Variants in SPTB observed in about 807,000 individuals in gnomAD.
SPTB encodes the protein spectrin beta, erythrocytic, also known as spectrin beta chain, erythrocytic.
A neutral mutation model predicts 256.2 loss-of-function variants in SPTB; 45 were observed. That is an observed-to-expected ratio of 0.18 (90% CI 0.14 to 0.23). The LOEUF (loss-of-function observed/expected upper bound fraction) is 0.23. SPTB is among the 10% of genes least tolerant of loss of function. The pLI, the probability that SPTB is intolerant of heterozygous loss-of-function variation, is 1.00. For synonymous variants in SPTB, 1,231 were observed against 1,243.1 expected, an observed-to-expected ratio of 0.99 and a Z score of 0.21; for missense variants, 2,715 against 3,040.4, an observed-to-expected ratio of 0.89 and a Z score of 2.52.
At chr14:64,801,565 C>CA (rs1165507434) in intron 6 of SPTB, among the ~76,000 whole-genome samples, 165 bp from the exon 7 acceptor site, 10 of 151,948 alleles carry the variant, frequency 6.6e-5, no homozygotes, top group Non-Finnish European at 1.3e-4. Context: ...TGAGCCTTGG[C>CA]ATATGAGGGA....
intron 1 of SPTB, among the ~76,000 whole-genome samples, chr14:64,849,690 A>T (rs976937276): frequency 2.6e-5 from 4 of 152,200 alleles, no homozygotes; most frequent in African/African-American, 9.7e-5. Flanking sequence ...CCTAGTATGA[A>T]GTCACCTTCA....
intron 33 of SPTB, 95 bp from the exon 34 acceptor site, chr14:64,750,249 G>A: frequency 7.8e-7 from 1 of 1,279,570 alleles, no homozygotes; most frequent in Non-Finnish European, 1.1e-6. Flanking sequence ...ATTACACCAT[G>A]TTTGTTCTGA....
chr14:64,818,378 G>A (rs1256656414), intron 2 of SPTB, among the ~76,000 whole-genome samples: 1 of 152,238 alleles, frequency 6.6e-6, no homozygotes, highest in African/African-American at 2.4e-5. Context: ...ATGCCAAGCT[G>A]TGTGCATGGG....
At position 64,814,810 on chromosome 14, in the gene SPTB, T is replaced by C. The variant is rs112008447; in HGVS notation, c.148+8137A>G. Among the ~76,000 whole-genome samples the C allele has an allele frequency of 1.6e-4, 25 of 152,344 alleles. 1 individual carries two copies. Among genetic ancestry groups the C allele is most frequent in the African/African-American group, 6.0e-4 (25 of 41,582 alleles). On this transcript the variant is annotated intron_variant, in intron 2 of 35. Coordinates refer to ENST00000644917, the MANE Select transcript of SPTB (RefSeq NM_001355436.2). ...CATGAGCCACTGCGTCCAGCTCCTA[T>C]TGCATTTTTAGATAAAATAGGATCT...
In SPTB at chr14:64,786,539, C is replaced by A. The variant is rs1319873657; in HGVS notation, c.3426G>T (p.Arg1142=). ...TCCAGCCAGTATCCAGGCCCTCCAG[C>A]CGCTGGCCCAGAAGCAGATACTCTG... ...TDPEYLLLGQ[R]LEGLDTGWNA... Residue 1142 remains arginine (R), a synonymous_variant, in exon 16 of 36, where the codon CGG becomes CGT. Coordinates refer to ENST00000644917, the MANE Select transcript of SPTB (RefSeq NM_001355436.2). This position sits in a 1 kb window ranked among gnomAD's most constrained non-coding sequence, Gnocchi z 5.6. 3 of 1,614,200 alleles carry A rather than the reference C, an allele frequency of 1.9e-6. No individual in the cohort carries two copies. Among genetic ancestry groups the A allele is most frequent in the Non-Finnish European group, 2.5e-6 (3 of 1,180,026 alleles).
chr14:64,830,670 G>T (rs948197657), intron 1 of SPTB, among the ~76,000 whole-genome samples: 12 of 151,852 alleles, frequency 7.9e-5, no homozygotes, highest in Admixed American at 2.0e-4. Context: ...TTCCCACTTG[G>T]TCCATCTCTG....
intron 32 of SPTB, among the ~76,000 whole-genome samples, chr14:64,762,005 G>A (rs557236231): frequency 1.3e-5 from 2 of 152,220 alleles, no homozygotes; most frequent in South Asian, 4.1e-4. Context: ...CAGAACAGAG[G>A]GGCCAGGAAT....
intron 23 of SPTB, 145 bp downstream of exon 23, chr14:64,774,980 G>A: frequency 2.5e-6 from 3 of 1,177,016 alleles, no homozygotes; most frequent in South Asian, 1.3e-5. Flanking sequence ...CACCAAGGGA[G>A]GGCAGGGAGT....
At chr14:64,756,342 G>C (rs1566735017) in intron 32 of SPTB, 1 of 152,324 alleles carries the variant, frequency 6.6e-6, no homozygotes. Context: ...GGCCGAGGCA[G>C]GTGGATCACG....
intron 33 of SPTB, chr14:64,752,080 T>C (rs1200979620): frequency 1.1e-6 from 1 of 926,528 alleles, no homozygotes; most frequent in Non-Finnish European, 1.4e-6. Context: ...GGTGACAGAG[T>C]GAGACTCTGT....
chr14:64,809,210 C>T (rs1309709164), intron 2 of SPTB, among the ~76,000 whole-genome samples: 3 of 133,664 alleles, frequency 2.2e-5, no homozygotes, highest in African/African-American at 8.5e-5. Context: ...TGCAGTGAGC[C>T]GAGATCCCAC....
chr14:64,784,899 C>T (rs2082538331), intron 18 of SPTB, among the ~76,000 whole-genome samples: 1 of 152,218 alleles, frequency 6.6e-6, no homozygotes, highest in Non-Finnish European at 1.5e-5. Flanking sequence ...GTAGAAAGTA[C>T]TGTCAATGGA....
rs780370119 is a variant in SPTB at position 64,804,999 on chromosome 14, C to T, written c.240G>A (p.Lys80=). The T allele has an allele frequency of 6.2e-7, 1 of 1,614,180 alleles. No homozygotes were observed. The highest frequency in any genetic ancestry group is 1.1e-5 in the South Asian group (1 of 91,086). Residue 80 remains lysine (K), a synonymous_variant, in exon 3 of 36, where the codon AAG becomes AAA. Coordinates refer to ENST00000644917, the MANE Select transcript of SPTB (RefSeq NM_001355436.2). ...TGAGCATGCGCCCATCCCGCAGGTC[C>T]TTGTAGAGATCGGTGATGCGGCAGG... is the stretch of plus-strand genomic sequence containing the variant. ...RVSCRITDLY[K]DLRDGRMLIK...
chr14:64,784,705 C>G (rs891106567), intron 18 of SPTB, among the ~76,000 whole-genome samples: 3 of 152,190 alleles, frequency 2.0e-5, no homozygotes, highest in African/African-American at 7.2e-5. Flanking sequence ...AGGAACCCAA[C>G]GAGTGTTTAC....
At chr14:64,766,154 G>A (rs1312905431) in intron 32 of SPTB, among the ~76,000 whole-genome samples, 2 of 149,012 alleles carry the variant, frequency 1.3e-5, no homozygotes, top group Non-Finnish European at 3.0e-5. Flanking sequence ...TGGGTGTGGT[G>A]TGTTTGTGTG....
chr14:64,843,321 G>C (rs1185539959), intron 1 of SPTB, among the ~76,000 whole-genome samples: 1 of 152,174 alleles, frequency 6.6e-6, no homozygotes, highest in Non-Finnish European at 1.5e-5. Flanking sequence ...GTCTACAGAA[G>C]AGATGCTTGG....
Position 64,759,926 on chromosome 14 carries a change from T to A in SPTB, c.6346-6133A>T, listed in dbSNP as rs147052769. 1.2e-4 allele frequency among the ~76,000 whole-genome samples: 19 copies of A among 152,240 alleles called. No homozygotes were observed. Among genetic ancestry groups the A allele is most frequent in the African/African-American group, 4.6e-4 (19 of 41,534 alleles). On this transcript the variant is annotated intron_variant, in intron 32 of 35. Coordinates refer to ENST00000644917, the MANE Select transcript of SPTB (RefSeq NM_001355436.2). This position sits in a 1 kb window ranked among gnomAD's most constrained non-coding sequence, Gnocchi z 4.8. ...GGCTGAATAAGGGAAGGCACTGCCT[T>A]TAGTCCTCTGGTTTGGGGAAGAGGC...
At chr14:64,799,180 G>A (rs1326446646) in intron 9 of SPTB, among the ~76,000 whole-genome samples, 1 of 152,226 alleles carries the variant, frequency 6.6e-6, no homozygotes, top group African/African-American at 2.4e-5. Context: ...TGTGTATGCA[G>A]GTATGCATGT....
chr14:64,800,617 T>C, intron 8 of SPTB, 139 bp downstream of exon 8: 1 of 768,932 alleles, frequency 1.3e-6, no homozygotes, highest in Non-Finnish European at 2.3e-6. Context: ...CCATCAATGT[T>C]GCCAAGGTCA....
Sources: allele counts gnomAD v4.1 joint callset (sites outside exome capture counted in the v4.1 genomes callset), GRCh38; gene constraint gnomAD v4.1.1; non-coding constraint Gnocchi (gnomAD v3.1); transcripts MANE v1.5; gene names NCBI Gene and HGNC (gene_info 2026-07-23, HGNC 2026-07-21).